The following MALT1 variants were observed in gnomAD, a reference collection of about 807,000 sequenced individuals.
The protein encoded by MALT1 is MALT1 paracaspase, also known as mucosa-associated lymphoid tissue lymphoma translocation protein 1.
A neutral mutation model predicts 85.5 loss-of-function variants in MALT1; 36 were observed. The ratio of observed to expected loss-of-function variants is 0.42; its 90% CI spans 0.32 to 0.56. MALT1 has a LOEUF of 0.56. Among genes scored for constraint, MALT1 ranks in the 20% least tolerant of loss-of-function variants. The pLI, the probability that MALT1 is intolerant of heterozygous loss-of-function variation, is 0.10. For missense variants in MALT1, 716 were observed against 981.6 expected (o/e 0.73, Z 3.62); for synonymous variants, 359 against 361.3 (o/e 0.99, Z 0.07).
intron 12 of MALT1, among the ~76,000 whole-genome samples, chr18:58,734,951 C>T (rs926591032): frequency 3.3e-5 from 5 of 152,128 alleles, no homozygotes; most frequent in African/African-American, 9.7e-5. Flanking sequence ...CTATGATGTA[C>T]GTATTCAATG....
chr18:58,673,817 T>C (rs1221703463), intron 1 of MALT1, among the ~76,000 whole-genome samples: 1 of 152,114 alleles, frequency 6.6e-6, no homozygotes, highest in East Asian at 1.9e-4. Context: ...AGGATAATAG[T>C]GACTTGGGAT....
chr18:58,694,350 G>A (rs1217847807), intron 2 of MALT1, among the ~76,000 whole-genome samples: 1 of 151,940 alleles, frequency 6.6e-6, no homozygotes, highest in Non-Finnish European at 1.5e-5. Flanking sequence ...AGAAAGTTTA[G>A]TACCTTTGAT....
chr18:58,681,616 A>G (rs1291178681), intron 2 of MALT1, among the ~76,000 whole-genome samples: 1 of 152,238 alleles, frequency 6.6e-6, no homozygotes, highest in Non-Finnish European at 1.5e-5. Flanking sequence ...TAATGATACT[A>G]TAGGAGAATG....
At chr18:58,684,968 T>G (rs2054379636) in intron 2 of MALT1, among the ~76,000 whole-genome samples, 2 of 152,252 alleles carry the variant, frequency 1.3e-5, no homozygotes, top group South Asian at 4.1e-4. Context: ...GTACTGTGAG[T>G]TTAGAGATGA....
intron 13 of MALT1, among the ~76,000 whole-genome samples, chr18:58,737,879 G>T (rs139742141): frequency 6.6e-6 from 1 of 152,112 alleles, no homozygotes; most frequent in East Asian, 1.9e-4. Flanking sequence ...CACCACGCCC[G>T]GCCCACCTTA....
Position 58,710,965 on chromosome 18 carries a change from C to G in MALT1, c.958+12C>G. ...GGAGTGCACTGAAGGTAGTGTAAGTCTTTGGTTTGAAACCAAATCTCCTGC... is the reference window on the plus strand; with the variant it reads ...GGAGTGCACTGAAGGTAGTGTAAGTGTTTGGTTTGAAACCAAATCTCCTGC... On this transcript the variant is annotated intron_variant, in intron 7 of 16. Coordinates refer to ENST00000649217, the MANE Select transcript of MALT1 (RefSeq NM_006785.4). 1 of 1,563,200 alleles carries G rather than the reference C, an allele frequency of 6.4e-7. No homozygotes were observed. The highest frequency in any genetic ancestry group is 8.6e-7 in the Non-Finnish European group (1 of 1,158,702).
chr18:58,677,744 A>G (rs913215101), intron 1 of MALT1: 4 of 152,186 alleles, frequency 2.6e-5, no homozygotes, highest in Admixed American at 2.6e-4. Context: ...CCACTGGTCT[A>G]CAGTCCAGAA....
chr18:58,734,115 T>C, intron 11 of MALT1, 192 bp from the exon 12 acceptor site: 1 of 1,320,538 alleles, frequency 7.6e-7, no homozygotes, highest in Non-Finnish European at 9.8e-7. Context: ...GCAACTCTAG[T>C]TTTAAAGCTA....
rs2144489170 is a variant in MALT1 at position 58,744,505 on chromosome 18, T to G, written c.1911+10T>G. 6.3e-7 allele frequency: 1 copy of G among 1,580,420 alleles called. No individual in the cohort carries two copies. The highest frequency in any genetic ancestry group is 1.4e-5 in the African/African-American group (1 of 73,822). Reference sequence around the variant, plus strand: ...TACTGATTTTCCACTTGTGAGTCTCTTCTTTTATTTAAAATACAGTGATAT... The same window carrying G: ...TACTGATTTTCCACTTGTGAGTCTCGTCTTTTATTTAAAATACAGTGATAT... On this transcript the variant is annotated intron_variant, in intron 15 of 16. Coordinates refer to ENST00000649217, the MANE Select transcript of MALT1 (RefSeq NM_006785.4).
In MALT1 at chr18:58,733,479, G is replaced by A. The variant is rs151120348; in HGVS notation, c.1305G>A (p.Arg435=). 4 of 1,613,216 alleles carry A rather than the reference G, an allele frequency of 2.5e-6. No homozygotes were observed. The highest frequency in any genetic ancestry group is 3.4e-6 in the Non-Finnish European group (4 of 1,179,372). The part of the protein sequence containing the change: ...MVPVDAPNPY[R]SENCLCVQNI... ...CCGTTGATGCTCCAAATCCATATAGGTCTGAAAATTGTCTGTGTGTACAAA... is the reference window on the plus strand; with the variant it reads ...CCGTTGATGCTCCAAATCCATATAGATCTGAAAATTGTCTGTGTGTACAAA... Residue 435 remains arginine, a synonymous_variant, in exon 11 of 17, where the codon AGG becomes AGA. Coordinates refer to ENST00000649217, the MANE Select transcript of MALT1 (RefSeq NM_006785.4).
intron 4 of MALT1, among the ~76,000 whole-genome samples, chr18:58,704,695 C>T (rs534194894): frequency 3.3e-5 from 5 of 152,306 alleles, no homozygotes; most frequent in African/African-American, 1.2e-4. Context: ...CCGCCCACCT[C>T]GGCCTCCCAA....
At position 58,749,134 on chromosome 18, in the gene MALT1, G is replaced by C. The variant is rs2055413040; in HGVS notation, c.*1292G>C. The C allele has an allele frequency of 4.6e-6, 1 of 217,938 alleles. No individual in the cohort carries two copies. The highest frequency in any genetic ancestry group is 9.2e-6 in the Non-Finnish European group (1 of 108,674). 13.5% of individuals were successfully genotyped at this position (217,938 alleles called of 1,614,324 possible). A position where few individuals can be genotyped will look rare whatever the true frequency, so the allele number is the denominator to read the frequency against. ...TAAAAATCAAATAAGCTAATATACAGTCAGTTCTCATTATTCACAGTAATT... is the reference window on the plus strand; with the variant it reads ...TAAAAATCAAATAAGCTAATATACACTCAGTTCTCATTATTCACAGTAATT... On this transcript the variant is annotated 3_prime_UTR_variant, in exon 17 of 17. Transcript: ENST00000649217.
intron 8 of MALT1, 116 bp from the exon 9 acceptor site, chr18:58,715,819 A>T (rs979222729): frequency 1.4e-6 from 1 of 737,916 alleles, no homozygotes; most frequent in African/African-American, 1.8e-5. Context: ...AAAAATCTGA[A>T]GAGTAGAAAC....
intron 1 of MALT1, among the ~76,000 whole-genome samples, chr18:58,675,849 A>G (rs908641237): frequency 6.6e-6 from 1 of 152,194 alleles, no homozygotes; most frequent in African/African-American, 2.4e-5. Context: ...CTTGTTTGCC[A>G]TCTTCTCTTG....
chr18:58,746,731 T>G (rs1244736000), intron 16 of MALT1, among the ~76,000 whole-genome samples: 3 of 105,030 alleles, frequency 2.9e-5, no homozygotes, highest in Non-Finnish European at 7.2e-5. Flanking sequence ...AAAACCAGGT[T>G]TTTTTTTTTG....
At chr18:58,707,504 C>A (rs2054769933) in intron 4 of MALT1, among the ~76,000 whole-genome samples, 1 of 151,904 alleles carries the variant, frequency 6.6e-6, no homozygotes, top group Non-Finnish European at 1.5e-5. Context: ...TATACACATG[C>A]CATGGTGGTT....
Position 58,747,776 on chromosome 18 carries a change from G to T in MALT1, c.2409G>T (p.Val803=). 1 of 1,614,074 alleles carries T rather than the reference G, an allele frequency of 6.2e-7. No individual in the cohort carries two copies. The highest frequency in any genetic ancestry group is 8.5e-7 in the Non-Finnish European group (1 of 1,179,960). Reference sequence around the variant, plus strand: ...CATGTCATTTTAGTAGAAGTAATGTGCCAGTAGAGACAACTGATGAAATAC... The same window carrying T: ...CATGTCATTTTAGTAGAAGTAATGTTCCAGTAGAGACAACTGATGAAATAC... The part of the protein sequence containing the change: ...HASCHFSRSN[V]PVETTDEIPF... Residue 803 remains valine, a synonymous_variant, in exon 17 of 17, where the codon GTG becomes GTT. Coordinates refer to ENST00000649217, the MANE Select transcript of MALT1 (RefSeq NM_006785.4).
chr18:58,716,418 A>G (rs2054901142), intron 9 of MALT1, among the ~76,000 whole-genome samples: 1 of 152,244 alleles, frequency 6.6e-6, no homozygotes, highest in Admixed American at 6.5e-5. Flanking sequence ...TGGGACAAGA[A>G]AATGTAAGGG....
intron 10 of MALT1, among the ~76,000 whole-genome samples, chr18:58,727,628 G>GT (rs74183292): frequency 0.042 from 5,548 of 130,592 alleles, 365 homozygotes; most frequent in African/African-American, 0.14. Context: ...TTTTTTTTTT[G>GT]TTTTTTTTTT....
Sources: gnomAD v4.1 joint callset for allele counts (sites outside exome capture counted in the v4.1 genomes callset) on GRCh38, gnomAD v4.1.1 for gene constraint, MANE v1.5 for transcripts, NCBI Gene and HGNC (gene_info 2026-07-23, HGNC 2026-07-21) for gene names.